TYK2: variants seen among roughly 807,000 people sequenced by gnomAD.
The protein encoded by TYK2 is non-receptor tyrosine-protein kinase TYK2.
Under a neutral mutation model 130.9 loss-of-function variants are expected in TYK2, and 65 were observed. The observed-to-expected ratio is 0.50, with a 90% CI of 0.41 to 0.61. The LOEUF is 0.61. Among genes scored for constraint, TYK2 ranks in the 20% least tolerant of loss-of-function variants. The pLI, the probability that TYK2 is intolerant of heterozygous loss-of-function variation, is 0.00. For synonymous variants in TYK2, 647 were observed against 658.9 expected, an observed-to-expected ratio of 0.98 and a Z score of 0.28; for missense variants, 1,378 against 1,610.7, an observed-to-expected ratio of 0.86 and a Z score of 2.47.
chr19:10,366,590 G>C lies in TYK2; in HGVS notation c.466-10C>G, dbSNP rs2041677134. 1 of 1,613,926 alleles carries C rather than the reference G, an allele frequency of 6.2e-7. No homozygotes were observed. The highest frequency in any genetic ancestry group is 1.3e-5 in the African/African-American group (1 of 74,892). On this transcript the variant is annotated splice_polypyrimidine_tract_variant and intron_variant, in intron 5 of 24. Coordinates refer to ENST00000525621, the MANE Select transcript of TYK2 (RefSeq NM_003331.5). ...CAAACTCATGCTTGCCCTGGGAACA[G>C]GAAATTGAGCAGAAAGGGAGGTGTG...
At chr19:10,354,964 G>A (rs1217979566) in intron 18 of TYK2, among the ~76,000 whole-genome samples, 2 of 150,492 alleles carry the variant, frequency 1.3e-5, no homozygotes, top group Non-Finnish European at 3.0e-5. Flanking sequence ...GCTGAGGTAG[G>A]AGGATCGTTT....
chr19:10,357,914 C>A lies in TYK2; in HGVS notation c.2316G>T (p.Arg772=), dbSNP rs758779015. Residue 772 remains arginine (R), a synonymous_variant, in exon 17 of 25, where the codon CGG becomes CGT. Coordinates refer to ENST00000525621, the MANE Select transcript of TYK2 (RefSeq NM_003331.5). ...GGGCCAGCCAGGGGATCCTCTCCAC[C>A]CGCTCTGGGAGGCCAAGGTCAGAGG... is the stretch of plus-strand genomic sequence containing the variant. ...VGLGALSREE[R]VERIPWLAPE... 10 of 1,613,446 alleles carry A rather than the reference C, an allele frequency of 6.2e-6. No individual in the cohort carries two copies. Among genetic ancestry groups the A allele is most frequent in the Non-Finnish European group, 6.8e-6 (8 of 1,180,044 alleles).
chr19:10,378,090 ATGGATGGATGAG>A (rs2042236478), intron 3 of TYK2, 112 bp downstream of exon 3: 4 of 886,250 alleles, frequency 4.5e-6, no homozygotes, highest in Non-Finnish European at 6.6e-6. Context: ...GGATGGATGG[ATGGATGGATGAG>A]TGGGTGGATG....
rs2041575971 is a variant in TYK2 at position 10,364,757 on chromosome 19, A to T, written c.1224T>A (p.Pro408=). The change falls in exon 9 of 25, where the codon CCT becomes CCA. Residue 408 remains proline, a synonymous_variant. Coordinates refer to ENST00000525621, the MANE Select transcript of TYK2 (RefSeq NM_003331.5). The surrounding 1 kb of genome is among the most constrained non-coding windows in gnomAD (Gnocchi z 4.9). ...QDNKCLELSL[P]SRAAALSFVS... is the part of the protein sequence containing the mutation. ...CGAAGGACAGCGCCGCAGCCCGGGA[A>T]GGCAAGCTCAGCTCCTGCCAGCCAG... 1 of 1,613,960 alleles carries T rather than the reference A, an allele frequency of 6.2e-7. No homozygotes were observed. Among genetic ancestry groups the T allele is most frequent in the African/African-American group, 1.3e-5 (1 of 75,068 alleles).
Position 10,378,352 on chromosome 19 carries a change from C to A in TYK2, c.55G>T (p.Ala19Ser). 1 of 1,612,472 alleles carries A rather than the reference C, an allele frequency of 6.2e-7. No homozygotes were observed. The highest frequency in any genetic ancestry group is 8.5e-7 in the Non-Finnish European group (1 of 1,179,840). The change falls in exon 3 of 25, where the codon GCC (alanine) becomes TCC (serine). Residue 19 changes from alanine to serine, a missense_variant. Transcript: ENST00000525621. ...ARGSKPVGDG[A>S]QPMAAMGGLK... The stretch of plus-strand genomic sequence containing the variant: ...CCTCCCATGGCAGCCATGGGCTGGG[C>A]TCCATCCCCAACGGGCTTACTGCCC...
Position 10,350,756 on chromosome 19 carries a change from T to C in TYK2, c.*78A>G. ...GGCTGACATCCCCCTCTTGGTTTCATCCTGGAGCAGGGAGCAGGAGGCTCC... is the reference window on the plus strand; with the variant it reads ...GGCTGACATCCCCCTCTTGGTTTCACCCTGGAGCAGGGAGCAGGAGGCTCC... On this transcript the variant is annotated 3_prime_UTR_variant, in exon 25 of 25. Coordinates refer to ENST00000525621, the MANE Select transcript of TYK2 (RefSeq NM_003331.5). 4.5e-6 allele frequency: 7 copies of C among 1,569,752 alleles called. No homozygotes were observed. The South Asian group carries it at 5.6e-5, about 13-fold the overall frequency.
intron 3 of TYK2, chr19:10,368,834 G>A: frequency 4.4e-6 from 1 of 225,714 alleles, no homozygotes; most frequent in Non-Finnish European, 9.0e-6. Context: ...TTTTTGAGAT[G>A]GAGTCTTGCT....
In TYK2 at chr19:10,351,085, C is replaced by A. The variant is rs2040778738; in HGVS notation, c.3396G>T (p.Glu1132Asp). Residue 1132 changes from glutamate to aspartate, a missense_variant, in exon 24 of 25, where the codon GAG (glutamate) becomes GAT (aspartate). Glu to Asp is a conservative substitution (Grantham distance 45). Coordinates refer to ENST00000525621, the MANE Select transcript of TYK2 (RefSeq NM_003331.5). ...GACATTTGTCGGGCCGTGGCAGCCT[C>A]TCCCCTCGTTCCAGCAACTCAGTGA... ...LRLTELLERG[E>D]RLPRPDKCPC... The A allele has an allele frequency of 1.9e-6, 3 of 1,614,188 alleles. No homozygotes were observed. Among genetic ancestry groups the A allele is most frequent in the Non-Finnish European group, 2.5e-6 (3 of 1,180,032 alleles).
At chr19:10,360,991 G>T in intron 14 of TYK2, 1 of 357,674 alleles carries the variant, frequency 2.8e-6, no homozygotes, top group Non-Finnish European at 5.6e-6. Flanking sequence ...CTGGGTTTAA[G>T]CGATCCTCCC....
At position 10,364,742 on chromosome 19, in the gene TYK2, C is replaced by T. The variant is rs1175478668; in HGVS notation, c.1239G>A (p.Ala413=). The change falls in exon 9 of 25, where the codon GCG becomes GCA. Residue 413 remains alanine (A), a synonymous_variant. Coordinates refer to ENST00000525621, the MANE Select transcript of TYK2 (RefSeq NM_003331.5). The surrounding 1 kb of genome is among the most constrained non-coding windows in gnomAD (Gnocchi z 4.9). The stretch of plus-strand genomic sequence containing the variant: ...CGTCCACCAGCGACACGAAGGACAG[C>T]GCCGCAGCCCGGGAAGGCAAGCTCA... The part of the protein sequence containing the change: ...LELSLPSRAA[A]LSFVSLVDGY... The T allele has an allele frequency of 6.2e-6, 10 of 1,613,764 alleles. No homozygotes were observed. Among genetic ancestry groups the T allele is most frequent in the Admixed American group, 1.7e-5 (1 of 60,000 alleles).
Position 10,353,212 on chromosome 19 carries a change from C to T in TYK2, c.3028-114G>A. The T allele has an allele frequency of 2.1e-6, 2 of 946,898 alleles. No homozygotes were observed. Among genetic ancestry groups the T allele is most frequent in the Non-Finnish European group, 2.9e-6 (2 of 679,288 alleles). The allele number at this position is 946,898 out of a possible 1,614,324, so 58.7% of individuals were successfully genotyped here. On this transcript the variant is annotated intron_variant, in intron 21 of 24. Coordinates refer to ENST00000525621, the MANE Select transcript of TYK2 (RefSeq NM_003331.5). The surrounding 1 kb of genome is among the most constrained non-coding windows in gnomAD (Gnocchi z 6.9). ...GACAGTCAGGTCAGGCCGGTGGCTACCCGGCCGCTGGAGAGGGCCGGATGG... is the reference window on the plus strand; with the variant it reads ...GACAGTCAGGTCAGGCCGGTGGCTATCCGGCCGCTGGAGAGGGCCGGATGG...
intron 3 of TYK2, among the ~76,000 whole-genome samples, chr19:10,372,280 ACGG>A (rs1472846884): frequency 1.4e-5 from 2 of 146,112 alleles, no homozygotes; most frequent in East Asian, 4.0e-4. Context: ...GGCGTGAGCC[ACGG>A]CGCCCGGCCT....
chr19:10,365,204 C>A (rs1388957555), intron 7 of TYK2, among the ~76,000 whole-genome samples, 156 bp from the exon 8 acceptor site: 1 of 152,158 alleles, frequency 6.6e-6, no homozygotes, highest in Non-Finnish European at 1.5e-5. Flanking sequence ...GGGGACCCAC[C>A]CCAAAATCAT....
intron 3 of TYK2, among the ~76,000 whole-genome samples, chr19:10,372,288 C>T (rs930290822): frequency 8.2e-5 from 12 of 145,676 alleles, no homozygotes; most frequent in Admixed American, 2.1e-4. Context: ...CCACGGCGCC[C>T]GGCCTGGGTT....
chr19:10,375,820 G>A (rs1390973257), intron 3 of TYK2, among the ~76,000 whole-genome samples: 4 of 150,916 alleles, frequency 2.7e-5, no homozygotes, highest in African/African-American at 7.3e-5. Flanking sequence ...CCAGCTACTC[G>A]GGAGGCTGAG....
Position 10,359,079 on chromosome 19 carries a change from A to G in TYK2, c.2175+96T>C, listed in dbSNP as rs199668095. 2.1e-6 allele frequency: 3 copies of G among 1,457,768 alleles called. No homozygotes were observed. In the East Asian group the frequency reaches 7.1e-5, roughly 34 times the overall value. The allele number at this position is 1,457,768 out of a possible 1,614,324, so 90.3% of individuals were successfully genotyped here. A position where few individuals can be genotyped will look rare whatever the true frequency, so the allele number is the denominator to read the frequency against. ...CTCCACCTAAAACAAAACAAACAAA[A>G]AAGATGGGGTCTCGCCCTGTTGCCC... On this transcript the variant is annotated intron_variant, in intron 15 of 24. Transcript: ENST00000525621.
chr19:10,362,660 G>A lies in TYK2; in HGVS notation c.1368-3C>T, dbSNP rs1354238431. 2 of 1,551,140 alleles carry A rather than the reference G, an allele frequency of 1.3e-6. No homozygotes were observed. Among genetic ancestry groups the A allele is most frequent in the Non-Finnish European group, 1.7e-6 (2 of 1,146,838 alleles). On this transcript the variant is annotated splice_region_variant and splice_polypyrimidine_tract_variant and intron_variant, in intron 9 of 24. Transcript: ENST00000525621. ...GCTTGGCCTGCACAAATGGCTCCCT[G>A]GAAGGTGGTCCAGGGGGACTATCAG...
chr19:10,351,132 C>A lies in TYK2; in HGVS notation c.3349G>T (p.Gly1117Cys), dbSNP rs1568324534. ...GTGAGTCTCAGAACTGTCATCTGAC[C>A]CTGAGCAATGCCTATGAGCTCAAGG... ...KFLELIGIAQGQMTVLRLTEL... is the reference protein window; with the variant it reads ...KFLELIGIAQCQMTVLRLTEL... The change falls in exon 24 of 25, where the codon GGT becomes TGT. Residue 1117 changes from glycine to cysteine, a missense_variant. Gly to Cys is a radical substitution (Grantham distance 159). Coordinates refer to ENST00000525621, the MANE Select transcript of TYK2 (RefSeq NM_003331.5). 1 of 1,613,906 alleles carries A rather than the reference C, an allele frequency of 6.2e-7. No individual in the cohort carries two copies. The highest frequency in any genetic ancestry group is 1.3e-5 in the African/African-American group (1 of 74,902).
chr19:10,362,310 C>T lies in TYK2; in HGVS notation c.1623G>A (p.Gly541=). The T allele has an allele frequency of 6.2e-7, 1 of 1,614,166 alleles. No individual in the cohort carries two copies. The highest frequency in any genetic ancestry group is 2.2e-5 in the East Asian group (1 of 44,888). Residue 541 remains glycine (G), a synonymous_variant, in exon 11 of 25, where the codon GGG becomes GGA. Transcript: ENST00000525621. ...AGCGACGCAGAGAGAAGCAGTCATC[C>T]CCGGCCCTCAGCAAGCAGCCCTGCA... ...AALQGCLLRA[G]DDCFSLRRCC...
Sources: allele counts gnomAD v4.1 joint callset (sites outside exome capture counted in the v4.1 genomes callset), GRCh38; gene constraint gnomAD v4.1.1; non-coding constraint Gnocchi (gnomAD v3.1); transcripts MANE v1.5; gene names NCBI Gene and HGNC (gene_info 2026-07-23, HGNC 2026-07-21).